Variants in SLCO5A1 observed in about 807,000 individuals in gnomAD.
SLCO5A1 encodes the protein organic anion transporter polypeptide-related protein 4.
A neutral mutation model predicts 65.1 loss-of-function variants in SLCO5A1; 39 were observed. The ratio of observed to expected loss-of-function variants is 0.60; its 90% CI spans 0.46 to 0.78. The LOEUF (loss-of-function observed/expected upper bound fraction) is 0.78, where lower values mean the gene tolerates loss of function less well. SLCO5A1 is among the 30% of genes least tolerant of loss of function. SLCO5A1 has a pLI of 0.00. For missense variants in SLCO5A1, 1,029 were observed against 1,069.4 expected (o/e 0.96, Z 0.53); for synonymous variants, 438 against 415.7 (o/e 1.05, Z -0.65).
chr8:69,711,307 C>T (rs1309771785), intron 5 of SLCO5A1, among the ~76,000 whole-genome samples: 5 of 152,044 alleles, frequency 3.3e-5, no homozygotes, highest in Admixed American at 6.6e-5. Context: ...CGCTCCGTTG[C>T]GCCTCTCACC....
chr8:69,796,744 G>A (rs28773793), intron 2 of SLCO5A1, among the ~76,000 whole-genome samples: 2,135 of 151,054 alleles, frequency 0.014, 40 homozygotes, highest in African/African-American at 0.05. Flanking sequence ...TCATACATAT[G>A]AGCATAAAAT....
intron 5 of SLCO5A1, among the ~76,000 whole-genome samples, chr8:69,723,320 T>A (rs931832037): frequency 6.6e-6 from 1 of 152,146 alleles, no homozygotes; most frequent in East Asian, 1.9e-4. Flanking sequence ...GGTGCGATCT[T>A]GGCTTACTGC....
At chr8:69,678,495 C>T (rs1813637006) in intron 8 of SLCO5A1, among the ~76,000 whole-genome samples, 1 of 152,150 alleles carries the variant, frequency 6.6e-6, no homozygotes, top group African/African-American at 2.4e-5. Context: ...TAGATGAATG[C>T]ACACTTACAC....
Position 69,755,533 on chromosome 8 carries a change from T to TTTTTTC in SLCO5A1, c.1143_1148dup (p.Lys382_Lys383dup), listed in dbSNP as rs1817504767. Reference sequence around the variant, plus strand: ...CATCACTAACAGCATCAACAGAAAATTTTTTCTTTTTCTTTTTCTTGTGTC... The same window carrying TTTTTTC: ...CATCACTAACAGCATCAACAGAAAATTTTTTCTTTTTCTTTTTCTTTTTCTTGTGTC... On this transcript the variant is annotated inframe_insertion, in exon 4 of 10. Transcript: ENST00000260126. 6.2e-7 allele frequency: 1 copy of TTTTTTC among 1,614,058 alleles called. No individual in the cohort carries two copies. Among genetic ancestry groups the TTTTTTC allele is most frequent in the Non-Finnish European group, 8.5e-7 (1 of 1,179,950 alleles).
At chr8:69,698,815 C>T (rs1814604470) in intron 6 of SLCO5A1, among the ~76,000 whole-genome samples, 1 of 152,176 alleles carries the variant, frequency 6.6e-6, no homozygotes, top group South Asian at 2.1e-4. Flanking sequence ...TCCCATGTTC[C>T]CTTTCCACGG....
At chr8:69,678,654 A>G (rs916759096) in intron 8 of SLCO5A1, among the ~76,000 whole-genome samples, 1 of 152,186 alleles carries the variant, frequency 6.6e-6, no homozygotes, top group African/African-American at 2.4e-5. Context: ...ACGTTATTGC[A>G]GTGCAAAAAA....
intron 4 of SLCO5A1, among the ~76,000 whole-genome samples, chr8:69,740,858 A>C (rs1816762015): frequency 6.6e-6 from 1 of 152,222 alleles, no homozygotes; most frequent in African/African-American, 2.4e-5. Context: ...TAAACCAGTA[A>C]GCAAAAATCT....
At position 69,793,543 on chromosome 8, in the gene SLCO5A1, C is replaced by A. The variant is rs151241605; in HGVS notation, c.908-31668G>T. 6.0e-3 allele frequency among the ~76,000 whole-genome samples: 918 copies of A among 152,040 alleles called. 7 individuals are homozygous for A. The highest frequency in any genetic ancestry group is 0.021 in the African/African-American group (881 of 41,476). ...CTTTGGAAGGTTGAGGCAGATGGAT[C>A]AGCCTTGGCCTATCCTCTTGAGGTC... On this transcript the variant is annotated intron_variant, in intron 2 of 9. Transcript: ENST00000260126.
At chr8:69,798,178 A>T (rs1819580617) in intron 2 of SLCO5A1, among the ~76,000 whole-genome samples, 1 of 151,904 alleles carries the variant, frequency 6.6e-6, no homozygotes, top group African/African-American at 2.4e-5. Context: ...TACCTGTCTT[A>T]TTCTGAGCCC....
At chr8:69,720,848 T>C (rs956780130) in intron 5 of SLCO5A1, among the ~76,000 whole-genome samples, 1 of 152,218 alleles carries the variant, frequency 6.6e-6, no homozygotes, top group African/African-American at 2.4e-5. Flanking sequence ...AGTAAATATT[T>C]TCTAATTTGT....
At chr8:69,796,212 A>C (rs145134728) in intron 2 of SLCO5A1, among the ~76,000 whole-genome samples, 340 of 149,146 alleles carry the variant, frequency 2.3e-3, no homozygotes, top group African/African-American at 7.7e-3. Context: ...AAATTTATCC[A>C]TCCTGACTGA....
At chr8:69,679,672 C>T in intron 7 of SLCO5A1, 53 bp from the exon 8 acceptor site, 1 of 1,590,784 alleles carries the variant, frequency 6.3e-7, no homozygotes, top group South Asian at 1.1e-5. Context: ...CTAACTGTGG[C>T]ATAAGAATAT....
At chr8:69,830,472 C>A (rs531319089) in intron 2 of SLCO5A1, among the ~76,000 whole-genome samples, 15 of 152,282 alleles carry the variant, frequency 9.9e-5, no homozygotes, top group Non-Finnish European at 2.1e-4. Flanking sequence ...GGACTACAGG[C>A]ACACACCACC....
Position 69,776,668 on chromosome 8 carries a change from C to T in SLCO5A1, c.908-14793G>A, listed in dbSNP as rs111292868. Among the ~76,000 whole-genome samples the T allele has an allele frequency of 3.5e-3, 538 of 151,874 alleles. 7 individuals carry two copies. In the East Asian group the frequency reaches 0.043, roughly 12 times the overall value. ...TCATGCCACTGCACTCCAGCCTGGA[C>T]GACAGAGTGAGACCCTGTCTCAAAA... On this transcript the variant is annotated intron_variant, in intron 2 of 9. Coordinates refer to ENST00000260126, the MANE Select transcript of SLCO5A1 (RefSeq NM_030958.3).
chr8:69,700,217 G>A (rs1210932294), intron 6 of SLCO5A1: 4 of 152,178 alleles, frequency 2.6e-5, no homozygotes, highest in Non-Finnish European at 5.9e-5. Context: ...AAATAATAAG[G>A]AAAGGAGGAT....
At chr8:69,686,446 TATC>T (rs1363133285) in intron 6 of SLCO5A1, among the ~76,000 whole-genome samples, 3 of 152,212 alleles carry the variant, frequency 2.0e-5, no homozygotes, top group African/African-American at 2.4e-5. Context: ...TAAATATTAT[TATC>T]ATCGTCATAA....
chr8:69,703,654 TA>T (rs1301313383), intron 6 of SLCO5A1, among the ~76,000 whole-genome samples: 1 of 152,234 alleles, frequency 6.6e-6, no homozygotes, highest in African/African-American at 2.4e-5. Flanking sequence ...ACAGACACTG[TA>T]GCCAAATTGC....
Position 69,682,235 on chromosome 8 carries a change from G to A in SLCO5A1, c.1731C>T (p.Tyr577=), listed in dbSNP as rs1813814848. The A allele has an allele frequency of 3.1e-6, 5 of 1,613,244 alleles. No homozygotes were observed. In the East Asian group the frequency reaches 8.9e-5, roughly 29 times the overall value. The change falls in exon 7 of 10, where the codon TAC becomes TAT. Residue 577 remains tyrosine (Y), a synonymous_variant. Transcript: ENST00000260126. ...CACAGCCAGCCAGACAAGGGTTAAA[G>A]TATGTAATTCCATCTGATCCACAGA... is the stretch of plus-strand genomic sequence containing the variant. ...EPVCGSDGIT[Y]FNPCLAGCVN...
rs1189278621 is a variant in SLCO5A1, at chr8:69,682,307, T to C, written c.1659A>G (p.Gly553=). The part of the protein sequence containing the change: ...SLTMPHRNLT[G]SCNVNCGCKI... ...TACAACCACAATTAACGTTGCAGCT[T>C]CCTGTCAGATTCCTATGGGGCATGG... The change falls in exon 7 of 10, where the codon GGA becomes GGG. Residue 553 remains glycine, a synonymous_variant. Coordinates refer to ENST00000260126, the MANE Select transcript of SLCO5A1 (RefSeq NM_030958.3). The C allele has an allele frequency of 6.2e-7, 1 of 1,610,674 alleles. No individual in the cohort carries two copies. Among genetic ancestry groups the C allele is most frequent in the Admixed American group, 1.7e-5 (1 of 59,402 alleles).
Sources: allele counts gnomAD v4.1 joint callset (sites outside exome capture counted in the v4.1 genomes callset), GRCh38; gene constraint gnomAD v4.1.1; transcripts MANE v1.5; gene names NCBI Gene and HGNC (gene_info 2026-07-23, HGNC 2026-07-21).